The following ROBO2 variants were observed in gnomAD, a reference collection of about 807,000 sequenced individuals.
The protein encoded by ROBO2 is roundabout homolog 2.
In ROBO2, 53 loss-of-function variants were observed where a neutral mutation model predicts 160.8. The ratio of observed to expected loss-of-function variants is 0.33; its 90% CI spans 0.26 to 0.41. The LOEUF is 0.41. ROBO2 is among the 10% of genes least tolerant of loss of function. The probability of loss-of-function intolerance (pLI) is 1.00; values close to 1 mark genes in which losing one functional copy is unlikely to be tolerated. For missense variants in ROBO2, 1,577 were observed against 1,722.4 expected, an observed-to-expected ratio of 0.92 and a Z score of 1.49; for synonymous variants, 664 against 611.7, an observed-to-expected ratio of 1.09 and a Z score of -1.26.
At chr3:76,022,906 A>G (rs189677291) in intron 2 of ROBO2, among the ~76,000 whole-genome samples, 14 of 151,872 alleles carry the variant, frequency 9.2e-5, no homozygotes, top group Non-Finnish European at 1.8e-4. Flanking sequence ...TTATTTCAAT[A>G]TAAGTCTGTT....
At chr3:76,310,863 T>C (rs1254851738) in intron 2 of ROBO2, among the ~76,000 whole-genome samples, 1 of 152,176 alleles carries the variant, frequency 6.6e-6, no homozygotes, top group African/African-American at 2.4e-5. Context: ...AAGAGCAATT[T>C]GGTTGGTTGC....
chr3:76,633,194 T>G (rs891076536), intron 2 of ROBO2, among the ~76,000 whole-genome samples: 1 of 152,166 alleles, frequency 6.6e-6, no homozygotes, highest in African/African-American at 2.4e-5. Context: ...ATATCAAAAT[T>G]TAAAAGAAAG....
intron 2 of ROBO2, among the ~76,000 whole-genome samples, chr3:76,693,943 A>G (rs961133888): frequency 2.6e-5 from 4 of 152,220 alleles, no homozygotes; most frequent in Non-Finnish European, 5.9e-5. Context: ...ATCCTCACAG[A>G]CATACTTAAA....
At chr3:76,898,832 T>G (rs2075010260) in intron 2 of ROBO2, among the ~76,000 whole-genome samples, 1 of 152,122 alleles carries the variant, frequency 6.6e-6, no homozygotes, top group South Asian at 2.1e-4. Context: ...AAATATTTGT[T>G]AAAAATATAT....
At chr3:76,768,559 A>G (rs192458650) in intron 2 of ROBO2, among the ~76,000 whole-genome samples, 1 of 151,454 alleles carries the variant, frequency 6.6e-6, no homozygotes, top group East Asian at 2.0e-4. Flanking sequence ...TTAGAAAACT[A>G]TATACTGTAT....
At chr3:77,628,454 G>GT (rs200945662) in intron 23 of ROBO2, among the ~76,000 whole-genome samples, 1 of 146,540 alleles carries the variant, frequency 6.8e-6, no homozygotes, top group Non-Finnish European at 1.5e-5. Flanking sequence ...TTGTGGGGGG[G>GT]GGGTAATTGT....
rs182529870 is a variant in ROBO2 at position 77,348,111 on chromosome 3, G to A, written c.389-129303G>A. On this transcript the variant is annotated intron_variant, in intron 2 of 25. Transcript: ENST00000461745. Reference sequence around the variant, plus strand: ...TTTACCAGACAGGGGTCCTGATCCAGATCCCAAGAGAGGGTTCTTGGATCT... The same window carrying A: ...TTTACCAGACAGGGGTCCTGATCCAAATCCCAAGAGAGGGTTCTTGGATCT... Among the ~76,000 whole-genome samples, 371 of 152,134 alleles carry A rather than the reference G, an allele frequency of 2.4e-3. 1 individual carries two copies. The highest frequency in any genetic ancestry group is 8.6e-3 in the African/African-American group (355 of 41,516).
chr3:77,635,462 G>A (rs2095248499), intron 24 of ROBO2, among the ~76,000 whole-genome samples: 1 of 152,084 alleles, frequency 6.6e-6, no homozygotes, highest in South Asian at 2.1e-4. Flanking sequence ...TAATTTTTTA[G>A]TCACAAATTT....
intron 2 of ROBO2, among the ~76,000 whole-genome samples, chr3:76,263,895 A>G (rs904601820): frequency 6.6e-5 from 10 of 152,190 alleles, no homozygotes; most frequent in African/African-American, 2.2e-4. Flanking sequence ...AGCCATAAAA[A>G]AGAATGAGTT....
intron 21 of ROBO2, among the ~76,000 whole-genome samples, chr3:77,617,066 A>G (rs989448413): frequency 1.3e-5 from 2 of 152,230 alleles, no homozygotes; most frequent in Non-Finnish European, 1.5e-5. Context: ...TCAGATATCT[A>G]GAACAAGAAC....
At chr3:76,198,792 C>A (rs1232904648) in intron 2 of ROBO2, among the ~76,000 whole-genome samples, 1 of 152,230 alleles carries the variant, frequency 6.6e-6, no homozygotes, top group African/African-American at 2.4e-5. Flanking sequence ...CTCTTTCAAC[C>A]AATTGCCAAT....
At chr3:77,527,171 C>G (rs759720712) in intron 6 of ROBO2, among the ~76,000 whole-genome samples, 1 of 151,282 alleles carries the variant, frequency 6.6e-6, no homozygotes, top group Non-Finnish European at 1.5e-5. Flanking sequence ...CCTAAAATAT[C>G]TCTCAAATTG....
intron 2 of ROBO2, among the ~76,000 whole-genome samples, chr3:76,359,127 A>G (rs1279325176): frequency 1.3e-5 from 2 of 151,928 alleles, no homozygotes; most frequent in African/African-American, 4.8e-5. Flanking sequence ...GCTGCATAGT[A>G]TTCCATGGTG....
At chr3:76,140,635 G>C (rs892100958) in intron 2 of ROBO2, among the ~76,000 whole-genome samples, 2 of 151,802 alleles carry the variant, frequency 1.3e-5, no homozygotes, top group Admixed American at 1.3e-4. Context: ...AGTGTTCCCT[G>C]TGAAATAGGA....
intron 2 of ROBO2, among the ~76,000 whole-genome samples, chr3:77,275,320 C>G (rs780942616): frequency 1.3e-5 from 2 of 152,132 alleles, no homozygotes; most frequent in Non-Finnish European, 2.9e-5. Context: ...TCATTCAAAA[C>G]TATCATATGT....
At chr3:77,521,291 C>T (rs2090570219) in intron 5 of ROBO2, among the ~76,000 whole-genome samples, 1 of 151,234 alleles carries the variant, frequency 6.6e-6, no homozygotes. Flanking sequence ...TGAGCCTGTG[C>T]TCTTAACCAC....
At chr3:76,551,746 A>C (rs2108363061) in intron 2 of ROBO2, among the ~76,000 whole-genome samples, 1 of 152,240 alleles carries the variant, frequency 6.6e-6, no homozygotes, top group Non-Finnish European at 1.5e-5. Context: ...CCACAGTGGA[A>C]GCTGCCTGTG....
intron 2 of ROBO2, among the ~76,000 whole-genome samples, chr3:76,657,050 A>C (rs2091563499): frequency 6.6e-6 from 1 of 151,670 alleles, no homozygotes. Flanking sequence ...TAGATTTCTT[A>C]TCTTGGATTC....
At chr3:77,438,009 A>G (rs1282934892) in intron 2 of ROBO2, among the ~76,000 whole-genome samples, 2 of 152,158 alleles carry the variant, frequency 1.3e-5, no homozygotes, top group Non-Finnish European at 2.9e-5. Flanking sequence ...GATAATAACT[A>G]TAATACCATA....
Sources: gnomAD v4.1 joint callset for allele counts (sites outside exome capture counted in the v4.1 genomes callset) on GRCh38, gnomAD v4.1.1 for gene constraint, MANE v1.5 for transcripts, NCBI Gene and HGNC (gene_info 2026-07-23, HGNC 2026-07-21) for gene names.